GALNT17: variants seen among roughly 807,000 people sequenced by gnomAD.
GALNT17 encodes the protein polypeptide N-acetylgalactosaminyltransferase 17.
Under a neutral mutation model 63.7 loss-of-function variants are expected in GALNT17, and 29 were observed. The observed-to-expected ratio is 0.46, with a 90% CI of 0.34 to 0.62. GALNT17 has a LOEUF of 0.62. Ranked by LOEUF, GALNT17 falls within the 20% of genes least tolerant of loss-of-function variation. GALNT17 has a pLI of 0.01. For missense variants in GALNT17, 603 were observed against 799.6 expected (o/e 0.75, Z 2.97); for synonymous variants, 305 against 318.3 (o/e 0.96, Z 0.45).
chr7:71,229,200 C>T (rs944171558), intron 1 of GALNT17, among the ~76,000 whole-genome samples: 2 of 152,316 alleles, frequency 1.3e-5, no homozygotes, highest in South Asian at 2.1e-4. Flanking sequence ...CCAAGAGAAT[C>T]GTGAAGGATG....
intron 5 of GALNT17, among the ~76,000 whole-genome samples, chr7:71,465,510 G>A (rs1008901592): frequency 6.6e-6 from 1 of 152,182 alleles, no homozygotes; most frequent in African/African-American, 2.4e-5. Flanking sequence ...GTTGCCAAAT[G>A]TAATTTTCTA....
chr7:71,488,770 C>T (rs1298968211), intron 5 of GALNT17, among the ~76,000 whole-genome samples: 1 of 148,408 alleles, frequency 6.7e-6, no homozygotes, highest in Non-Finnish European at 1.5e-5. Flanking sequence ...TTAGTAGAGA[C>T]GGGGTTTCAC....
At chr7:71,657,848 TTATG>T (rs1790850335) in intron 6 of GALNT17, among the ~76,000 whole-genome samples, 1 of 141,708 alleles carries the variant, frequency 7.1e-6, no homozygotes, top group Non-Finnish European at 1.5e-5. Context: ...TTATTTCATT[TTATG>T]GATGGATGGA....
rs190100715 is a variant in GALNT17, at chr7:71,554,930, G to T, written c.963-16355G>T. ...CTGGATAATTTATAAAGAAAAGAGG[G>T]TTATTTGGCTTACGGTTCTGCAGGT... On this transcript the variant is annotated intron_variant, in intron 5 of 10. Coordinates refer to ENST00000333538, the MANE Select transcript of GALNT17 (RefSeq NM_022479.3). Among the ~76,000 whole-genome samples the T allele has an allele frequency of 5.8e-3, 886 of 152,270 alleles. 4 individuals are homozygous for T. The highest frequency in any genetic ancestry group is 0.014 in the Middle Eastern group (4 of 294).
At chr7:71,632,451 T>C (rs1037838113) in intron 6 of GALNT17, among the ~76,000 whole-genome samples, 1 of 152,218 alleles carries the variant, frequency 6.6e-6, no homozygotes, top group Non-Finnish European at 1.5e-5. Context: ...GTAGGTGCTC[T>C]GATGGGGTGA....
chr7:71,548,611 A>C (rs924584599), intron 5 of GALNT17, among the ~76,000 whole-genome samples: 16 of 152,234 alleles, frequency 1.1e-4, no homozygotes, highest in Non-Finnish European at 2.2e-4. Context: ...GCCTGCCACC[A>C]TGTAAGACAT....
intron 1 of GALNT17, among the ~76,000 whole-genome samples, chr7:71,259,205 T>A (rs1790338510): frequency 6.6e-6 from 1 of 152,068 alleles, no homozygotes; most frequent in South Asian, 2.1e-4. Context: ...TACCCAGAAA[T>A]GTCAAAGGCT....
intron 5 of GALNT17, among the ~76,000 whole-genome samples, chr7:71,524,794 G>T (rs1772005896): frequency 1.3e-5 from 2 of 152,104 alleles, no homozygotes; most frequent in South Asian, 4.1e-4. Context: ...ACCTTTCTGT[G>T]TCATTTTGAT....
At chr7:71,612,443 G>A (rs898849955) in intron 6 of GALNT17, among the ~76,000 whole-genome samples, 9 of 152,186 alleles carry the variant, frequency 5.9e-5, no homozygotes, top group Non-Finnish European at 7.3e-5. Context: ...CACGCTCTTC[G>A]TGCATTGGGT....
rs563088047 is a variant in GALNT17 at position 71,303,642 on chromosome 7, C to T, written c.239-31908C>T. On this transcript the variant is annotated intron_variant, in intron 1 of 10. Coordinates refer to ENST00000333538, the MANE Select transcript of GALNT17 (RefSeq NM_022479.3). ...CAGTGATTACTAATACTCAGCACGT[C>T]GACCTGTTGCTTGGAAGTGATTTAC... 6.6e-5 allele frequency among the ~76,000 whole-genome samples: 10 copies of T among 152,164 alleles called. No individual in the cohort carries two copies. The South Asian group carries it at 1.7e-3, about 25-fold the overall frequency.
At chr7:71,217,834 A>G (rs1008502126) in intron 1 of GALNT17, among the ~76,000 whole-genome samples, 12 of 151,824 alleles carry the variant, frequency 7.9e-5, no homozygotes, top group Non-Finnish European at 1.6e-4. Context: ...AGGCTGAGGC[A>G]GGAGAATGGT....
At chr7:71,344,200 AG>A (rs1792052338) in intron 2 of GALNT17, among the ~76,000 whole-genome samples, 1 of 152,058 alleles carries the variant, frequency 6.6e-6, no homozygotes, top group Admixed American at 6.6e-5. Flanking sequence ...TTCCCTCTAA[AG>A]GGGAGGCAGG....
chr7:71,480,724 C>T (rs1477710346), intron 5 of GALNT17, among the ~76,000 whole-genome samples: 1 of 152,142 alleles, frequency 6.6e-6, no homozygotes, highest in Non-Finnish European at 1.5e-5. Flanking sequence ...CCGGGCTGGT[C>T]TCGAACTCCT....
chr7:71,281,835 G>A (rs28662787), intron 1 of GALNT17, among the ~76,000 whole-genome samples: 75 of 152,268 alleles, frequency 4.9e-4, no homozygotes, highest in African/African-American at 1.6e-3. Flanking sequence ...TCTACTTGAT[G>A]TTTTGAAAAT....
At chr7:71,407,476 G>A (rs1206423657) in intron 3 of GALNT17, among the ~76,000 whole-genome samples, 1 of 152,180 alleles carries the variant, frequency 6.6e-6, no homozygotes, top group Non-Finnish European at 1.5e-5. Context: ...GTCCAGGCAT[G>A]GTGGCTCATT....
intron 1 of GALNT17, among the ~76,000 whole-genome samples, chr7:71,259,642 T>G (rs1170293341): frequency 4.1e-5 from 6 of 147,000 alleles, no homozygotes; most frequent in African/African-American, 1.5e-4. Context: ...TTTTTTGTTT[T>G]TTTGTTTTTT....
chr7:71,291,785 A>AT (rs1161731483), intron 1 of GALNT17, among the ~76,000 whole-genome samples: 1 of 152,100 alleles, frequency 6.6e-6, no homozygotes, highest in Non-Finnish European at 1.5e-5. Flanking sequence ...GCATCTAATA[A>AT]TTTTATCTGT....
At chr7:71,215,358 G>A (rs1789458487) in intron 1 of GALNT17, among the ~76,000 whole-genome samples, 1 of 152,082 alleles carries the variant, frequency 6.6e-6, no homozygotes, top group Middle Eastern at 3.4e-3. Flanking sequence ...GTCATCTTAA[G>A]TTTTTAGGCA....
intron 2 of GALNT17, among the ~76,000 whole-genome samples, chr7:71,386,074 G>A (rs1442070432): frequency 6.6e-6 from 1 of 152,204 alleles, no homozygotes; most frequent in East Asian, 1.9e-4. Context: ...GATGATTCCT[G>A]CCAACTGCCT....
Sources: allele counts gnomAD v4.1 joint callset (sites outside exome capture counted in the v4.1 genomes callset), GRCh38; gene constraint gnomAD v4.1.1; transcripts MANE v1.5; gene names NCBI Gene and HGNC (gene_info 2026-07-23, HGNC 2026-07-21).